The following SGK1 variants were observed in gnomAD, a reference collection of about 807,000 sequenced individuals.
SGK1 encodes the protein serum/glucocorticoid regulated kinase 1, also known as serine/threonine-protein kinase Sgk1.
A neutral mutation model predicts 64.2 loss-of-function variants in SGK1; 26 were observed. The observed-to-expected ratio is 0.40, with a 90% CI of 0.30 to 0.56. The LOEUF (loss-of-function observed/expected upper bound fraction) is 0.56. SGK1 is among the 20% of genes least tolerant of loss of function. The pLI, the probability that SGK1 is intolerant of heterozygous loss-of-function variation, is 0.38. For missense variants in SGK1, 519 were observed against 645.6 expected (o/e 0.80, Z 2.12); for synonymous variants, 265 against 239.7 (o/e 1.11, Z -0.98).
At chr6:134,259,580 G>A (rs1776732719) in intron 2 of SGK1, among the ~76,000 whole-genome samples, 14 of 152,074 alleles carry the variant, frequency 9.2e-5, no homozygotes, top group Admixed American at 9.2e-4. Context: ...GGAGGTGGAG[G>A]TTGCAGTGAG....
chr6:134,223,436 C>A (rs1255550546), intron 2 of SGK1, among the ~76,000 whole-genome samples: 1 of 151,968 alleles, frequency 6.6e-6, no homozygotes, highest in African/African-American at 2.4e-5. Flanking sequence ...CAAACATCCA[C>A]TCCTAGGCTG....
chr6:134,285,531 A>AT (rs1356984878), intron 1 of SGK1, among the ~76,000 whole-genome samples: 3 of 144,962 alleles, frequency 2.1e-5, no homozygotes, highest in Admixed American at 1.4e-4. Flanking sequence ...CACCAGCATC[A>AT]ATTTTTTTTT....
chr6:134,296,106 A>G (rs1777343433), intron 1 of SGK1, among the ~76,000 whole-genome samples: 1 of 152,208 alleles, frequency 6.6e-6, no homozygotes, highest in Admixed American at 6.5e-5. Flanking sequence ...AAATGTCATC[A>G]GTCGACGTGA....
chr6:134,235,019 G>C (rs1354808943), intron 2 of SGK1, among the ~76,000 whole-genome samples: 1 of 152,224 alleles, frequency 6.6e-6, no homozygotes. Flanking sequence ...TTCTTGAAGA[G>C]AAGACCAAAT....
At chr6:134,173,236 C>A in intron 7 of SGK1, 38 bp downstream of exon 7, 1 of 1,609,770 alleles carries the variant, frequency 6.2e-7, no homozygotes, top group Non-Finnish European at 8.5e-7. Context: ...CAAGGAGTGT[C>A]TACCGCCAAT....
chr6:134,246,324 T>C (rs1776524157), intron 2 of SGK1, among the ~76,000 whole-genome samples: 1 of 89,616 alleles, frequency 1.1e-5, no homozygotes. Flanking sequence ...AATTTTTGTA[T>C]TTTTTTTTTT....
intron 1 of SGK1, among the ~76,000 whole-genome samples, chr6:134,266,596 AAAG>A (rs1402861859): frequency 2.6e-5 from 4 of 152,142 alleles, no homozygotes; most frequent in Non-Finnish European, 5.9e-5. Context: ...AGCCTGGGTG[AAAG>A]AAGGAGACTC....
intron 1 of SGK1, among the ~76,000 whole-genome samples, chr6:134,296,735 C>CTT (rs999141146): frequency 2.5e-5 from 2 of 81,542 alleles, no homozygotes; most frequent in South Asian, 7.5e-4. Context: ...GCATTCAGCT[C>CTT]TTTTTTTTTT....
chr6:134,221,202 G>A (rs922777261), intron 2 of SGK1, among the ~76,000 whole-genome samples: 1 of 152,018 alleles, frequency 6.6e-6, no homozygotes, highest in African/African-American at 2.4e-5. Context: ...TACTTGGGAG[G>A]CTGAGATGGG....
intron 1 of SGK1, among the ~76,000 whole-genome samples, chr6:134,286,475 AAT>A (rs1491215786): frequency 4.7e-5 from 7 of 149,810 alleles, no homozygotes; most frequent in Admixed American, 1.3e-4. Context: ...AACAAAATAC[AAT>A]ATTTTTTTTT....
At chr6:134,203,893 G>A (rs755916065) in intron 3 of SGK1, among the ~76,000 whole-genome samples, 79 of 152,072 alleles carry the variant, frequency 5.2e-4, no homozygotes, top group Admixed American at 3.1e-3. Context: ...GCAAAACCCC[G>A]TCTCTACTAA....
At chr6:134,212,889 C>T (rs900319279) in intron 2 of SGK1, among the ~76,000 whole-genome samples, 6 of 152,150 alleles carry the variant, frequency 3.9e-5, no homozygotes, top group Non-Finnish European at 8.8e-5. Flanking sequence ...TTGAGGCTTT[C>T]GTATGAAGCA....
intron 2 of SGK1, among the ~76,000 whole-genome samples, chr6:134,226,565 G>A (rs960258775): frequency 2.0e-5 from 3 of 151,556 alleles, no homozygotes; most frequent in Non-Finnish European, 4.4e-5. Context: ...GTGGTGGTAC[G>A]CACCTGTAGT....
chr6:134,175,272 G>C (rs1775194136), intron 3 of SGK1, among the ~76,000 whole-genome samples: 1 of 152,142 alleles, frequency 6.6e-6, no homozygotes, highest in Non-Finnish European at 1.5e-5. Flanking sequence ...CGGTGGCTTC[G>C]CTCACTGTCC....
At chr6:134,294,113 C>T (rs1188525321) in intron 1 of SGK1, among the ~76,000 whole-genome samples, 1 of 152,226 alleles carries the variant, frequency 6.6e-6, no homozygotes, top group Non-Finnish European at 1.5e-5. Context: ...AACCCTTTGG[C>T]AGTGAAGCCT....
chr6:134,213,203 T>C (rs1270998121), intron 2 of SGK1, among the ~76,000 whole-genome samples: 3 of 152,166 alleles, frequency 2.0e-5, no homozygotes, highest in African/African-American at 7.2e-5. Flanking sequence ...TTAGGTACTT[T>C]GCAGAAGCGA....
At chr6:134,175,484 C>T in intron 3 of SGK1, 1 of 1,355,012 alleles carries the variant, frequency 7.4e-7, no homozygotes, top group Non-Finnish European at 9.6e-7. Flanking sequence ...CCGGCCCCTG[C>T]CTCCAAGCCG....
At chr6:134,218,885 T>C (rs1482767552) in intron 2 of SGK1, 2 of 152,214 alleles carry the variant, frequency 1.3e-5, no homozygotes, top group Non-Finnish European at 2.9e-5. Flanking sequence ...ATCACCAGAA[T>C]CAATGATGGC....
Position 134,179,615 on chromosome 6 carries a change from T to C in SGK1, c.362-5029A>G, listed in dbSNP as rs995606846. Reference sequence around the variant, plus strand: ...AATGTCTATTTATAGACACAGGTTGTATAGTAATTATTACCTTCCATATTC... The same window carrying C: ...AATGTCTATTTATAGACACAGGTTGCATAGTAATTATTACCTTCCATATTC... On this transcript the variant is annotated intron_variant, in intron 3 of 13. Transcript: ENST00000367858. 9.3e-4 allele frequency among the ~76,000 whole-genome samples: 142 copies of C among 152,050 alleles called. 2 individuals are homozygous for C. Among genetic ancestry groups the C allele is most frequent in the Non-Finnish European group, 4.4e-5 (3 of 67,992 alleles).
Sources: allele counts gnomAD v4.1 joint callset (sites outside exome capture counted in the v4.1 genomes callset), GRCh38; gene constraint gnomAD v4.1.1; transcripts MANE v1.5; gene names NCBI Gene and HGNC (gene_info 2026-07-23, HGNC 2026-07-21).